RALYL: variants seen among roughly 807,000 people sequenced by gnomAD.
RALYL encodes the protein RALY RNA binding protein like, also known as RNA-binding Raly-like protein.
Under a neutral mutation model 35.1 loss-of-function variants are expected in RALYL, and 29 were observed. That is an observed-to-expected ratio of 0.83 (90% CI 0.61 to 1.13). RALYL has a LOEUF of 1.13. Among genes scored for constraint, RALYL ranks in the 50% most tolerant of loss-of-function variants. The pLI is 0.00. For synonymous variants in RALYL, 120 were observed against 127.6 expected, an observed-to-expected ratio of 0.94 and a Z score of 0.40; for missense variants, 359 against 360.4, an observed-to-expected ratio of 1.00 and a Z score of 0.03.
chr8:84,724,241 T>G (rs369828352), intron 2 of RALYL, among the ~76,000 whole-genome samples: 6 of 151,938 alleles, frequency 3.9e-5, no homozygotes, highest in Admixed American at 6.6e-5. Flanking sequence ...CTCTTTGAAT[T>G]AATGCCTCTT....
chr8:84,462,601 A>ATT (rs10667055), intron 1 of RALYL, among the ~76,000 whole-genome samples: 37,915 of 136,624 alleles, frequency 0.28, 5,975 homozygotes, highest in South Asian at 0.45. Context: ...ATCTAGATTC[A>ATT]TTTTTTTTTT....
intron 1 of RALYL, among the ~76,000 whole-genome samples, chr8:84,398,880 A>C (rs1459574289): frequency 6.6e-6 from 1 of 152,022 alleles, no homozygotes; most frequent in Non-Finnish European, 1.5e-5. Flanking sequence ...AGGCTGAGAC[A>C]GGAGAATTGC....
intron 1 of RALYL, among the ~76,000 whole-genome samples, chr8:84,397,355 A>G (rs2042445645): frequency 6.6e-6 from 1 of 152,234 alleles, no homozygotes; most frequent in African/African-American, 2.4e-5. Context: ...TACAGAAACA[A>G]TAGGAAATTA....
intron 2 of RALYL, among the ~76,000 whole-genome samples, chr8:84,556,653 T>C: frequency 6.6e-6 from 1 of 152,216 alleles, no homozygotes; most frequent in Non-Finnish European, 1.5e-5. Flanking sequence ...CTGATGTCAG[T>C]ATTGGCCATG....
chr8:84,549,738 T>C (rs1226919183), intron 2 of RALYL, among the ~76,000 whole-genome samples: 1 of 152,174 alleles, frequency 6.6e-6, no homozygotes, highest in Non-Finnish European at 1.5e-5. Context: ...GCCCTGGCTG[T>C]GTATCCAGTC....
intron 2 of RALYL, among the ~76,000 whole-genome samples, chr8:84,698,142 A>T (rs1308572073): frequency 2.0e-5 from 3 of 152,050 alleles, no homozygotes; most frequent in African/African-American, 7.2e-5. Flanking sequence ...TCTTTCTTGC[A>T]AGCTCTTTGA....
intron 1 of RALYL, among the ~76,000 whole-genome samples, chr8:84,298,501 T>G (rs1230931354): frequency 6.6e-6 from 1 of 152,170 alleles, no homozygotes; most frequent in Admixed American, 6.6e-5. Context: ...TGCCTCCAGC[T>G]TTGTTCTTTT....
intron 1 of RALYL, among the ~76,000 whole-genome samples, chr8:84,357,420 T>A (rs554969258): frequency 1.3e-5 from 2 of 152,138 alleles, no homozygotes; most frequent in South Asian, 4.1e-4. Flanking sequence ...TACTCTGTAA[T>A]AATTTCTCAT....
At chr8:84,467,757 A>G (rs2051937745) in intron 1 of RALYL, among the ~76,000 whole-genome samples, 4 of 149,128 alleles carry the variant, frequency 2.7e-5, no homozygotes, top group South Asian at 2.2e-4. Context: ...AAAGTCTCCC[A>G]TTATTAATGT....
chr8:84,875,604 C>T (rs1840991916), intron 7 of RALYL, among the ~76,000 whole-genome samples: 1 of 152,006 alleles, frequency 6.6e-6, no homozygotes, highest in Admixed American at 6.6e-5. Flanking sequence ...GAATTTGTAA[C>T]TCCATTCTTT....
intron 1 of RALYL, among the ~76,000 whole-genome samples, chr8:84,301,483 A>G (rs1840772378): frequency 6.6e-6 from 1 of 152,008 alleles, no homozygotes; most frequent in Admixed American, 6.6e-5. Context: ...ATCTTATCCA[A>G]CTTGCTTGCT....
chr8:84,835,403 C>T (rs1478196681), intron 4 of RALYL, among the ~76,000 whole-genome samples: 1 of 150,896 alleles, frequency 6.6e-6, no homozygotes, highest in East Asian at 1.9e-4. Flanking sequence ...CACGGGGGCT[C>T]ACGCCTGTAA....
At chr8:84,398,958 A>G (rs1180541792) in intron 1 of RALYL, among the ~76,000 whole-genome samples, 1 of 134,892 alleles carries the variant, frequency 7.4e-6, no homozygotes, top group African/African-American at 2.9e-5. Flanking sequence ...TGGGCAATAG[A>G]GTGAGACTCT....
At chr8:84,856,603 C>T (rs995935855) in intron 5 of RALYL, among the ~76,000 whole-genome samples, 6 of 152,052 alleles carry the variant, frequency 3.9e-5, no homozygotes, top group African/African-American at 1.4e-4. Flanking sequence ...GTAGAGTGTG[C>T]CTTTTAAAAT....
intron 4 of RALYL, among the ~76,000 whole-genome samples, chr8:84,826,061 AT>A (rs1026391799): frequency 5.3e-5 from 8 of 152,074 alleles, no homozygotes; most frequent in Admixed American, 2.6e-4. Context: ...AACAAAAAAA[AT>A]ATATTGAATG....
chr8:84,564,621 G>A (rs1377018511), intron 2 of RALYL, among the ~76,000 whole-genome samples: 1 of 151,474 alleles, frequency 6.6e-6, no homozygotes, highest in Non-Finnish European at 1.5e-5. Flanking sequence ...CCTGCTAATC[G>A]TTGCATGGCT....
intron 3 of RALYL, among the ~76,000 whole-genome samples, chr8:84,802,491 C>T (rs949608056): frequency 1.3e-5 from 2 of 151,068 alleles, no homozygotes; most frequent in Non-Finnish European, 2.9e-5. Flanking sequence ...AAGGGGACAA[C>T]TATTAATAAC....
At chr8:84,469,747 C>G (rs896146232) in intron 1 of RALYL, among the ~76,000 whole-genome samples, 8 of 152,180 alleles carry the variant, frequency 5.3e-5, no homozygotes, top group Non-Finnish European at 1.2e-4. Flanking sequence ...CCTAGCTGCC[C>G]CCTTGCAGTT....
intron 1 of RALYL, among the ~76,000 whole-genome samples, chr8:84,269,414 GTAGAATTTT>G (rs1373307945): frequency 1.3e-5 from 2 of 152,146 alleles, no homozygotes; most frequent in African/African-American, 4.8e-5. Flanking sequence ...TGAATCAGAG[GTAGAATTTT>G]TATCTTGTGA....
Sources: allele counts gnomAD v4.1 joint callset (sites outside exome capture counted in the v4.1 genomes callset), GRCh38; gene constraint gnomAD v4.1.1; transcripts MANE v1.5; gene names NCBI Gene and HGNC (gene_info 2026-07-23, HGNC 2026-07-21).